LTBP1: variants seen among roughly 807,000 people sequenced by gnomAD.
LTBP1 encodes the protein latent transforming growth factor beta binding protein 1, also known as latent-transforming growth factor beta-binding protein 1.
LTBP1 carries 129 observed loss-of-function variants against 207.6 expected under a neutral mutation model. The ratio of observed to expected loss-of-function variants is 0.62; its 90% CI spans 0.54 to 0.72. LTBP1 has a LOEUF of 0.72. LTBP1 is among the 30% of genes least tolerant of loss of function. LTBP1 has a pLI of 0.00. For missense variants in LTBP1, 2,281 were observed against 2,217.2 expected, an observed-to-expected ratio of 1.03 and a Z score of -0.58; for synonymous variants, 963 against 833.7, an observed-to-expected ratio of 1.16 and a Z score of -2.67.
intron 2 of LTBP1, among the ~76,000 whole-genome samples, chr2:32,966,231 G>C (rs1679984951): frequency 6.6e-6 from 1 of 151,992 alleles, no homozygotes. Flanking sequence ...TTTGGATAAT[G>C]GTCCTTTATC....
intron 4 of LTBP1, among the ~76,000 whole-genome samples, chr2:33,111,876 A>C (rs963273438): frequency 5.3e-5 from 8 of 152,258 alleles, no homozygotes; most frequent in African/African-American, 1.7e-4. Context: ...GATCATTAGG[A>C]AAAAATCACT....
intron 3 of LTBP1, among the ~76,000 whole-genome samples, chr2:33,046,745 A>G (rs1479230653): frequency 1.3e-5 from 2 of 152,034 alleles, no homozygotes; most frequent in Non-Finnish European, 2.9e-5. Context: ...CTGGTCCTGG[A>G]CGTTTTTTGG....
chr2:33,137,694 TTTTGTTTG>T (rs150599206), intron 5 of LTBP1, among the ~76,000 whole-genome samples: 2,632 of 151,798 alleles, frequency 0.017, 29 homozygotes, highest in Admixed American at 0.024. Flanking sequence ...GATTTACAGT[TTTTGTTTG>T]TTTGTTTGTT....
intron 18 of LTBP1, among the ~76,000 whole-genome samples, chr2:33,277,742 A>T (rs1022141340): frequency 8.4e-6 from 1 of 118,398 alleles, no homozygotes; most frequent in Non-Finnish European, 1.8e-5. Flanking sequence ...AAAGAAGTCA[A>T]ATACTGATTT....
Position 33,188,941 on chromosome 2 carries a change from T to TA in LTBP1, c.1701+90_1701+91insA, listed in dbSNP as rs543321820. 2,337 of 1,407,982 alleles carry TA rather than the reference T, an allele frequency of 1.7e-3. 26 individuals carry two copies. The East Asian group carries it at 0.033, about 20-fold the overall frequency. 87.2% of individuals were successfully genotyped at this position (1,407,982 alleles called of 1,614,324 possible). Reference sequence around the variant, plus strand: ...AGCCAGACTTGATAAAAATGCTTTTTTAAAAAAAAGGCTTTGACAAACTAT... The same window carrying TA: ...AGCCAGACTTGATAAAAATGCTTTTTATAAAAAAAAGGCTTTGACAAACTAT... On this transcript the variant is annotated intron_variant, in intron 7 of 33. Coordinates refer to ENST00000404816, the MANE Select transcript of LTBP1 (RefSeq NM_206943.4).
At chr2:33,111,243 G>A (rs2080381183) in intron 4 of LTBP1, among the ~76,000 whole-genome samples, 3 of 152,152 alleles carry the variant, frequency 2.0e-5, no homozygotes, top group African/African-American at 4.8e-5. Context: ...TTTGTAAAGC[G>A]CTATTGTATC....
intron 22 of LTBP1, among the ~76,000 whole-genome samples, 184 bp downstream of exon 22, chr2:33,301,828 C>A (rs10495788): frequency 6.6e-6 from 1 of 152,182 alleles, no homozygotes; most frequent in African/African-American, 2.4e-5. Context: ...TCCAGATTAT[C>A]TTTGCACTGC....
intron 3 of LTBP1, among the ~76,000 whole-genome samples, chr2:33,035,870 C>T (rs369333621): frequency 2.6e-5 from 4 of 152,172 alleles, no homozygotes; most frequent in Admixed American, 6.5e-5. Flanking sequence ...GTACCCACTA[C>T]GTAGCTGAAG....
chr2:33,395,560 C>T (rs2095351003), intron 32 of LTBP1, among the ~76,000 whole-genome samples: 2 of 152,174 alleles, frequency 1.3e-5, no homozygotes, highest in Admixed American at 6.5e-5. Flanking sequence ...GTTTCTTCTT[C>T]ACCTATCTCC....
intron 7 of LTBP1, among the ~76,000 whole-genome samples, chr2:33,193,575 T>C (rs1371626706): frequency 6.6e-6 from 1 of 152,234 alleles, no homozygotes; most frequent in Admixed American, 6.5e-5. Context: ...ATTGTGTCTT[T>C]TACTAATTGA....
At chr2:32,994,536 G>A (rs1416675765) in intron 2 of LTBP1, among the ~76,000 whole-genome samples, 5 of 151,406 alleles carry the variant, frequency 3.3e-5, no homozygotes, top group African/African-American at 9.7e-5. Context: ...GTGCGATCTC[G>A]GCTCACAGCA....
At chr2:32,972,148 ATCT>A (rs1233730362) in intron 2 of LTBP1, among the ~76,000 whole-genome samples, 1 of 148,864 alleles carries the variant, frequency 6.7e-6, no homozygotes, top group Non-Finnish European at 1.5e-5. Context: ...CAGTGGTAAT[ATCT>A]TCTTTATCAT....
chr2:33,183,480 G>T (rs973465630), intron 5 of LTBP1, among the ~76,000 whole-genome samples: 14 of 152,164 alleles, frequency 9.2e-5, no homozygotes, highest in African/African-American at 3.4e-4. Flanking sequence ...CATGATTTGC[G>T]AACCAAAGAG....
chr2:33,176,474 C>T (rs2086070174), intron 5 of LTBP1, among the ~76,000 whole-genome samples: 1 of 152,176 alleles, frequency 6.6e-6, no homozygotes, highest in Non-Finnish European at 1.5e-5. Context: ...ATCTGCCTGC[C>T]TCAGCCTCCC....
At chr2:33,089,573 A>G (rs1372471695) in intron 3 of LTBP1, among the ~76,000 whole-genome samples, 1 of 152,242 alleles carries the variant, frequency 6.6e-6, no homozygotes, top group Non-Finnish European at 1.5e-5. Flanking sequence ...AATAGTGTTG[A>G]GGCTGAGAAA....
chr2:33,080,544 A>G (rs1032123919), intron 3 of LTBP1, among the ~76,000 whole-genome samples: 1 of 152,182 alleles, frequency 6.6e-6, no homozygotes, highest in East Asian at 1.9e-4. Flanking sequence ...ATATTATTGT[A>G]TATTATATTG....
At chr2:33,302,994 C>G (rs939772027) in intron 22 of LTBP1, among the ~76,000 whole-genome samples, 2 of 151,538 alleles carry the variant, frequency 1.3e-5, no homozygotes, top group Non-Finnish European at 2.9e-5. Context: ...CAAACACACA[C>G]AAACACACGC....
intron 2 of LTBP1, among the ~76,000 whole-genome samples, chr2:33,008,765 AGGCAG>A (rs1687276056): frequency 5.3e-5 from 8 of 152,220 alleles, no homozygotes; most frequent in Admixed American, 4.6e-4. Flanking sequence ...AAGAAAAACA[AGGCAG>A]GGTAGGAGGA....
At chr2:33,075,668 G>A (rs402402) in intron 3 of LTBP1, among the ~76,000 whole-genome samples, 74,288 of 152,000 alleles carry the variant, frequency 0.49, 20,833 homozygotes, top group East Asian at 0.64. Flanking sequence ...TGATTTTGAA[G>A]TTACCCAACT....
Sources: gnomAD v4.1 joint callset for allele counts (sites outside exome capture counted in the v4.1 genomes callset) on GRCh38, gnomAD v4.1.1 for gene constraint, MANE v1.5 for transcripts, NCBI Gene and HGNC (gene_info 2026-07-23, HGNC 2026-07-21) for gene names.